FARS2: variants seen among roughly 807,000 people sequenced by gnomAD.
The protein encoded by FARS2 is phenylalanine--tRNA ligase, mitochondrial.
Under a neutral mutation model 46.4 loss-of-function variants are expected in FARS2, and 40 were observed. The ratio of observed to expected loss-of-function variants is 0.86; its 90% CI spans 0.67 to 1.12. The LOEUF (loss-of-function observed/expected upper bound fraction) is 1.12, where lower values mean the gene tolerates loss of function less well. Ranked by LOEUF, FARS2 falls within the 50% of genes most tolerant of loss-of-function variation. The probability of loss-of-function intolerance (pLI) is 0.00; values close to 1 mark genes in which losing one functional copy is unlikely to be tolerated. For missense variants in FARS2, 513 were observed against 567.9 expected, an observed-to-expected ratio of 0.90 and a Z score of 0.98; for synonymous variants, 234 against 214.9, an observed-to-expected ratio of 1.09 and a Z score of -0.78.
At chr6:5,694,882 C>G (rs1246205261) in intron 6 of FARS2, 2 of 151,184 alleles carry the variant, frequency 1.3e-5, no homozygotes, top group African/African-American at 4.9e-5. Flanking sequence ...TGGCACGCAC[C>G]TGTAGTCCTG....
chr6:5,668,153 G>A (rs1204817510), intron 6 of FARS2: 1 of 152,236 alleles, frequency 6.6e-6, no homozygotes, highest in Non-Finnish European at 1.5e-5. Flanking sequence ...GAAAACAGAT[G>A]AGAGGCTTTC....
intron 5 of FARS2, among the ~76,000 whole-genome samples, chr6:5,565,672 T>C (rs1282844600): frequency 1.3e-5 from 2 of 152,214 alleles, no homozygotes; most frequent in African/African-American, 4.8e-5. Flanking sequence ...CACCAAAATA[T>C]AACTTAAAGA....
chr6:5,389,528 T>G (rs1431111574), intron 2 of FARS2, among the ~76,000 whole-genome samples: 1 of 152,182 alleles, frequency 6.6e-6, no homozygotes, highest in Non-Finnish European at 1.5e-5. Flanking sequence ...CACTTGTACT[T>G]GCGTTTGGTA....
At chr6:5,641,057 T>C (rs1000168173) in intron 6 of FARS2, among the ~76,000 whole-genome samples, 1 of 152,180 alleles carries the variant, frequency 6.6e-6, no homozygotes, top group Non-Finnish European at 1.5e-5. Context: ...GAGGCCAGCT[T>C]GTCATCCTCT....
intron 6 of FARS2, among the ~76,000 whole-genome samples, chr6:5,641,362 T>A (rs1261388424): frequency 6.6e-6 from 1 of 152,134 alleles, no homozygotes; most frequent in Non-Finnish European, 1.5e-5. Context: ...AGTGGCATGA[T>A]CTTGGCTCAC....
At chr6:5,422,251 T>TC (rs1301847480) in intron 3 of FARS2, among the ~76,000 whole-genome samples, 1 of 152,144 alleles carries the variant, frequency 6.6e-6, no homozygotes, top group African/African-American at 2.4e-5. Context: ...TTCAGTTACC[T>TC]CCCACTGGGC....
At chr6:5,395,867 A>G (rs17140417) in intron 2 of FARS2, among the ~76,000 whole-genome samples, 24,960 of 152,174 alleles carry the variant, frequency 0.16, 2,758 homozygotes, top group East Asian at 0.48. Flanking sequence ...GGAAATGTAT[A>G]AAATATCTAA....
chr6:5,514,304 T>G (rs1013094543), intron 4 of FARS2, among the ~76,000 whole-genome samples: 8 of 152,150 alleles, frequency 5.3e-5, no homozygotes, highest in Non-Finnish European at 1.0e-4. Flanking sequence ...GAAATTTACT[T>G]TAGAGGAACA....
At chr6:5,306,119 A>G (rs1197303792) in intron 1 of FARS2, among the ~76,000 whole-genome samples, 1 of 152,212 alleles carries the variant, frequency 6.6e-6, no homozygotes, top group African/African-American at 2.4e-5. Context: ...TTAAGGGAGC[A>G]TGAACTTTGA....
chr6:5,613,470 C>A (rs1157268039), intron 6 of FARS2, 150 bp downstream of exon 6: 2 of 566,222 alleles, frequency 3.5e-6, no homozygotes, highest in African/African-American at 3.9e-5. Context: ...TCAGAAAACT[C>A]TTTGATATCA....
intron 1 of FARS2, among the ~76,000 whole-genome samples, chr6:5,323,166 G>T (rs1770107386): frequency 6.6e-6 from 1 of 152,160 alleles, no homozygotes; most frequent in Non-Finnish European, 1.5e-5. Flanking sequence ...CATAGAAATA[G>T]ATATTGGATA....
In FARS2 at chr6:5,569,435, C is replaced by T. The variant is rs60484538; in HGVS notation, c.1065+24095C>T. ...TATAGTTTTTGTGGAGATGGGGTTTCGCCACATTGTCCATGCTGAGCTCAA... is the reference window on the plus strand; with the variant it reads ...TATAGTTTTTGTGGAGATGGGGTTTTGCCACATTGTCCATGCTGAGCTCAA... On this transcript the variant is annotated intron_variant, in intron 5 of 6. Coordinates refer to ENST00000274680, the MANE Select transcript of FARS2 (RefSeq NM_006567.5). Among the ~76,000 whole-genome samples the T allele has an allele frequency of 5.4e-3, 819 of 152,080 alleles. 10 individuals are homozygous for T. The highest frequency in any genetic ancestry group is 0.019 in the African/African-American group (798 of 41,466).
At chr6:5,482,260 A>G (rs745364226) in intron 4 of FARS2, among the ~76,000 whole-genome samples, 1 of 152,158 alleles carries the variant, frequency 6.6e-6, no homozygotes, top group Non-Finnish European at 1.5e-5. Flanking sequence ...AATCCATATT[A>G]TCTTTCAATT....
intron 4 of FARS2, among the ~76,000 whole-genome samples, chr6:5,518,858 GA>G (rs1768966968): frequency 6.6e-6 from 1 of 151,990 alleles, no homozygotes; most frequent in Admixed American, 6.6e-5. Context: ...AATTCCTTAT[GA>G]AATCTAAGAA....
intron 3 of FARS2, among the ~76,000 whole-genome samples, chr6:5,409,024 A>T (rs1352308940): frequency 1.3e-5 from 2 of 152,142 alleles, no homozygotes; most frequent in Non-Finnish European, 2.9e-5. Flanking sequence ...GTTATTTTTT[A>T]TATTTGTATT....
intron 5 of FARS2, among the ~76,000 whole-genome samples, chr6:5,611,815 A>G (rs984713687): frequency 1.3e-5 from 2 of 152,144 alleles, no homozygotes; most frequent in Non-Finnish European, 2.9e-5. Context: ...ACCTTCTGCC[A>G]TTTCTCTGTC....
At chr6:5,489,298 A>T (rs1369460672) in intron 4 of FARS2, among the ~76,000 whole-genome samples, 1 of 152,128 alleles carries the variant, frequency 6.6e-6, no homozygotes, top group Non-Finnish European at 1.5e-5. Flanking sequence ...TGCTAAAAGT[A>T]CAAAAAATAG....
chr6:5,718,909 T>C (rs1759693856), intron 6 of FARS2, among the ~76,000 whole-genome samples: 1 of 152,242 alleles, frequency 6.6e-6, no homozygotes, highest in Admixed American at 6.5e-5. Flanking sequence ...TTGGTTCTTC[T>C]GAGCCACTGT....
intron 6 of FARS2, among the ~76,000 whole-genome samples, chr6:5,653,008 A>G (rs774049506): frequency 6.6e-6 from 1 of 152,224 alleles, no homozygotes. Context: ...AAGTGTGTGT[A>G]TTTATAAAGC....
Sources: gnomAD v4.1 joint callset for allele counts (sites outside exome capture counted in the v4.1 genomes callset) on GRCh38, gnomAD v4.1.1 for gene constraint, MANE v1.5 for transcripts, NCBI Gene and HGNC (gene_info 2026-07-23, HGNC 2026-07-21) for gene names.